Variants in DNAJC15 observed in about 807,000 individuals in gnomAD.
DNAJC15 encodes DnaJ heat shock protein family (Hsp40) member C15.
DNAJC15 carries 27 observed loss-of-function variants against 22.4 expected under a neutral mutation model. The ratio of observed to expected loss-of-function variants is 1.20; its 90% CI spans 0.89 to 1.66. The LOEUF (loss-of-function observed/expected upper bound fraction) is 1.66. DNAJC15 is among the 40% of genes most tolerant of loss of function. The probability of loss-of-function intolerance (pLI) is 0.00; values close to 1 mark genes in which losing one functional copy is unlikely to be tolerated. For synonymous variants in DNAJC15, 79 were observed against 63.2 expected (o/e 1.25, Z -1.19); for missense variants, 208 against 187.1 (o/e 1.11, Z -0.65).
rs552157537 is a variant in DNAJC15, at chr13:43,061,939, T to G, written c.109-3747T>G. On this transcript the variant is annotated intron_variant, in intron 1 of 5. Coordinates refer to ENST00000379221, the MANE Select transcript of DNAJC15 (RefSeq NM_013238.3). ...TGTTCAAGTTTCTATGTAGGACTCA[T>G]ATGATATAGACCCTTGGGCCAACTT... Among the ~76,000 whole-genome samples, 214 of 152,126 alleles carry G rather than the reference T, an allele frequency of 1.4e-3. 2 individuals are homozygous for G. The highest frequency in any genetic ancestry group is 9.1e-3 in the South Asian group (44 of 4,832).
At chr13:43,098,426 A>C (rs1330483368) in intron 5 of DNAJC15, among the ~76,000 whole-genome samples, 1 of 152,158 alleles carries the variant, frequency 6.6e-6, no homozygotes, top group Non-Finnish European at 1.5e-5. Context: ...GAAGGAATAT[A>C]TTTATTGGGT....
intron 4 of DNAJC15, among the ~76,000 whole-genome samples, chr13:43,079,258 C>T (rs1042441504): frequency 6.6e-6 from 1 of 152,134 alleles, no homozygotes; most frequent in Admixed American, 6.5e-5. Flanking sequence ...TTAGAGCCTA[C>T]TCTCAAGTTT....
chr13:43,103,417 T>G (rs1053028681), intron 5 of DNAJC15, among the ~76,000 whole-genome samples: 1 of 152,250 alleles, frequency 6.6e-6, no homozygotes, highest in Non-Finnish European at 1.5e-5. Context: ...AGGTATATTT[T>G]CTAAACACTT....
intron 3 of DNAJC15, among the ~76,000 whole-genome samples, chr13:43,074,613 C>T (rs1166234971): frequency 6.6e-6 from 1 of 152,058 alleles, no homozygotes; most frequent in Non-Finnish European, 1.5e-5. Context: ...CTTAAAAGGA[C>T]CTTTCAGTTT....
intron 1 of DNAJC15, among the ~76,000 whole-genome samples, chr13:43,028,240 A>G (rs2040389298): frequency 6.6e-6 from 1 of 152,150 alleles, no homozygotes; most frequent in East Asian, 1.9e-4. Context: ...TTTAAAATGT[A>G]GCTCATTATA....
rs551369595 is a variant in DNAJC15 at position 43,091,086 on chromosome 13, C to G, written c.382+5248C>G. ...TCAATTTATTTTATTTTTTTTATTT[C>G]TTTATTTTTTATTTTTGAGACAGAA... On this transcript the variant is annotated intron_variant, in intron 5 of 5. Coordinates refer to ENST00000379221, the MANE Select transcript of DNAJC15 (RefSeq NM_013238.3). Among the ~76,000 whole-genome samples the G allele has an allele frequency of 4.6e-5, 7 of 151,830 alleles. No individual in the cohort carries two copies. In the South Asian group the frequency reaches 1.5e-3, roughly 32 times the overall value.
At chr13:43,086,431 G>A (rs528727548) in intron 5 of DNAJC15, among the ~76,000 whole-genome samples, 43 of 151,900 alleles carry the variant, frequency 2.8e-4, no homozygotes, top group African/African-American at 1.0e-3. Flanking sequence ...ATAACAGATG[G>A]TAGAAAGTTA....
At chr13:43,049,231 T>C (rs1593314101) in intron 1 of DNAJC15, among the ~76,000 whole-genome samples, 1 of 152,362 alleles carries the variant, frequency 6.6e-6, no homozygotes, top group East Asian at 1.9e-4. Flanking sequence ...ACACTATGCC[T>C]GATTCACCAT....
intron 5 of DNAJC15, among the ~76,000 whole-genome samples, chr13:43,095,379 G>A (rs191156875): frequency 4.0e-4 from 61 of 152,294 alleles, no homozygotes; most frequent in Non-Finnish European, 5.9e-4. Context: ...GTGGACAGGT[G>A]ATTGTAAACA....
intron 3 of DNAJC15, among the ~76,000 whole-genome samples, chr13:43,077,287 G>A (rs189666047): frequency 3.3e-5 from 5 of 152,284 alleles, no homozygotes; most frequent in African/African-American, 1.2e-4. Context: ...TGCACAGCTT[G>A]GGTTCTCTGG....
At chr13:43,023,766 T>C in intron 1 of DNAJC15, 32 bp downstream of exon 1, 1 of 1,566,024 alleles carries the variant, frequency 6.4e-7, no homozygotes, top group Non-Finnish European at 8.7e-7. Context: ...CACCCCTCTC[T>C]GGCTCCCTTG....
chr13:43,037,168 ACT>A (rs1477610500), intron 1 of DNAJC15, among the ~76,000 whole-genome samples: 4 of 152,252 alleles, frequency 2.6e-5, no homozygotes, highest in Non-Finnish European at 5.9e-5. Context: ...CGTAGCAGCC[ACT>A]GCCTTAAAGT....
chr13:43,075,077 G>A (rs1481910818), intron 3 of DNAJC15, among the ~76,000 whole-genome samples: 1 of 152,126 alleles, frequency 6.6e-6, no homozygotes, highest in Non-Finnish European at 1.5e-5. Flanking sequence ...TTAGTAGTGT[G>A]TAACATAGCA....
intron 3 of DNAJC15, among the ~76,000 whole-genome samples, chr13:43,075,081 CAT>C (rs1044899299): frequency 1.1e-4 from 16 of 152,158 alleles, no homozygotes; most frequent in African/African-American, 3.9e-4. Context: ...TAGTGTGTAA[CAT>C]AGCAATTTTT....
chr13:43,104,416 C>T (rs1286913051), intron 5 of DNAJC15, among the ~76,000 whole-genome samples: 2 of 152,322 alleles, frequency 1.3e-5, no homozygotes, highest in East Asian at 1.9e-4. Flanking sequence ...ACCTGACTGA[C>T]TTGGTAGCCC....
intron 1 of DNAJC15, among the ~76,000 whole-genome samples, chr13:43,039,692 A>C (rs2040444257): frequency 6.6e-6 from 1 of 152,228 alleles, no homozygotes; most frequent in Non-Finnish European, 1.5e-5. Context: ...ATGTTAGAAA[A>C]CAAAACTAAG....
intron 1 of DNAJC15, among the ~76,000 whole-genome samples, chr13:43,025,496 C>T (rs1023851965): frequency 2.6e-5 from 4 of 152,166 alleles, no homozygotes; most frequent in African/African-American, 7.2e-5. Flanking sequence ...CCTGTAATAT[C>T]CTGAAATCCT....
At chr13:43,106,900 C>G (rs950462535) in intron 5 of DNAJC15, among the ~76,000 whole-genome samples, 4 of 151,460 alleles carry the variant, frequency 2.6e-5, no homozygotes, top group African/African-American at 9.7e-5. Context: ...AGGTGAATGT[C>G]TGACCAGTGC....
intron 5 of DNAJC15, among the ~76,000 whole-genome samples, chr13:43,106,099 G>T (rs1187334424): frequency 6.6e-6 from 1 of 152,100 alleles, no homozygotes; most frequent in Non-Finnish European, 1.5e-5. Context: ...TTCATAAGCT[G>T]GGTGGTATGG....
Sources: allele counts gnomAD v4.1 joint callset (sites outside exome capture counted in the v4.1 genomes callset), GRCh38; gene constraint gnomAD v4.1.1; transcripts MANE v1.5; gene names NCBI Gene and HGNC (gene_info 2026-07-23, HGNC 2026-07-21).